Variants in HK1 observed in about 807,000 individuals in gnomAD.
HK1 encodes the protein hexokinase-1.
In HK1, 28 loss-of-function variants were observed where a neutral mutation model predicts 91.6. That is an observed-to-expected ratio of 0.31 (90% CI 0.23 to 0.42). HK1 has a LOEUF of 0.42. HK1 is among the 10% of genes least tolerant of loss of function. The pLI, the probability that HK1 is intolerant of heterozygous loss-of-function variation, is 1.00. For synonymous variants in HK1, 430 were observed against 468.1 expected (o/e 0.92, Z 1.05); for missense variants, 770 against 1,219.8 (o/e 0.63, Z 5.49).
intron 1 of HK1, among the ~76,000 whole-genome samples, chr10:69,326,750 ACAGACACAGT>A (rs1183013702): frequency 1.3e-5 from 2 of 152,230 alleles, no homozygotes. Flanking sequence ...CAATTACATT[ACAGACACAGT>A]TGAAGCCCTT....
chr10:69,291,820 G>A (rs926445485), intron 3 of HK1, among the ~76,000 whole-genome samples: 2 of 152,172 alleles, frequency 1.3e-5, no homozygotes, highest in African/African-American at 4.8e-5. Flanking sequence ...TAGGTTTCCT[G>A]ACAATTCCAA....
Position 69,394,948 on chromosome 10 carries a change from A to G in HK1, c.2220-2A>G. 1 of 1,614,030 alleles carries G rather than the reference A, an allele frequency of 6.2e-7. No homozygotes were observed. The highest frequency in any genetic ancestry group is 1.1e-5 in the South Asian group (1 of 91,070). ...CACCCCAGGCCCCTCCTCCTGTCTC[A>G]GGTATGAGAAGATGATCAGTGGTAT... On this transcript the variant is annotated splice_acceptor_variant, in intron 15 of 17. Coordinates refer to ENST00000359426, the MANE Select transcript of HK1 (RefSeq NM_000188.3). LOFTEE classifies it high-confidence loss of function.
intron 1 of HK1, among the ~76,000 whole-genome samples, chr10:69,330,815 C>T (rs1483418782): frequency 6.6e-6 from 1 of 151,994 alleles, no homozygotes; most frequent in Admixed American, 6.6e-5. Context: ...CACTTCTTCA[C>T]GATCATCCAC....
intron 1 of HK1, among the ~76,000 whole-genome samples, chr10:69,328,876 T>C (rs1019326919): frequency 2.0e-5 from 3 of 152,192 alleles, no homozygotes; most frequent in African/African-American, 2.4e-5. Context: ...TTGCCTCTTA[T>C]GGACATTTCA....
intron 17 of HK1, among the ~76,000 whole-genome samples, chr10:69,399,920 G>A (rs1418662025): frequency 6.6e-6 from 1 of 152,036 alleles, no homozygotes; most frequent in Non-Finnish European, 1.5e-5. Context: ...TTACCTCATG[G>A]CCGTGGCTTG....
chr10:69,376,087 C>A (rs77738521), intron 7 of HK1, among the ~76,000 whole-genome samples: 6,694 of 152,208 alleles, frequency 0.044, 170 homozygotes, highest in South Asian at 0.067. Flanking sequence ...CAGGGAGGTG[C>A]CTAACAAATG....
chr10:69,400,651 A>G lies in HK1; in HGVS notation c.2610-340A>G, dbSNP rs546145386. ...GTGTTATTCATGTCCTAGCCTTCATAAGCCATACAGAGCAGTTGTGTTTGG... is the reference window on the plus strand; with the variant it reads ...GTGTTATTCATGTCCTAGCCTTCATGAGCCATACAGAGCAGTTGTGTTTGG... On this transcript the variant is annotated intron_variant, in intron 17 of 17. Transcript: ENST00000359426. 1.6e-4 allele frequency among the ~76,000 whole-genome samples: 25 copies of G among 152,282 alleles called. No homozygotes were observed. The South Asian group carries it at 4.6e-3, about 28-fold the overall frequency.
chr10:69,362,279 G>C (rs1023342424), intron 3 of HK1, among the ~76,000 whole-genome samples: 1 of 151,640 alleles, frequency 6.6e-6, no homozygotes, highest in East Asian at 1.9e-4. Context: ...GATCTTGCCA[G>C]GTTGCCCAGG....
intron 3 of HK1, 114 bp from the exon 4 acceptor site, chr10:69,364,669 T>A: frequency 7.5e-7 from 1 of 1,338,258 alleles, no homozygotes; most frequent in Non-Finnish European, 1.1e-6. Context: ...GTACGAGCAC[T>A]TTGTTTGGGT....
intron 2 of HK1, among the ~76,000 whole-genome samples, chr10:69,286,238 C>T (rs1845026772): frequency 6.6e-6 from 1 of 152,132 alleles, no homozygotes. Context: ...TGGCTGACAC[C>T]TGTAATCCCA....
upstream of HK1, chr10:69,316,146 T>A (rs1846629748): frequency 3.7e-6 from 3 of 805,964 alleles, no homozygotes; most frequent in African/African-American, 5.1e-5. Context: ...GGAGTGGACA[T>A]GGTGGGGGCA....
chr10:69,392,291 A>G lies in HK1; in HGVS notation c.2202A>G (p.Leu734=), dbSNP rs780520693. The stretch of plus-strand genomic sequence containing the variant: ...ACAGACTGGTGGACGAATATTCCCT[A>G]AATGCTGGGAAACAAAGGTAACCCC... ...HYDRLVDEYS[L]NAGKQRYEKM... The change falls in exon 15 of 18, where the codon CTA becomes CTG. Residue 734 remains leucine (L), a synonymous_variant. Transcript: ENST00000359426. 4 of 1,614,144 alleles carry G rather than the reference A, an allele frequency of 2.5e-6. No individual in the cohort carries two copies. Among genetic ancestry groups the G allele is most frequent in the East Asian group, 2.2e-5 (1 of 44,876 alleles).
chr10:69,392,468 A>G (rs141626757), intron 15 of HK1, among the ~76,000 whole-genome samples, 160 bp downstream of exon 15: 1 of 152,300 alleles, frequency 6.6e-6, no homozygotes, highest in East Asian at 1.9e-4. Flanking sequence ...TCTTTTGGAC[A>G]GCAGAGAACC....
Position 69,380,740 on chromosome 10 carries a change from C to T in HK1, c.1265+645C>T. Among the ~76,000 whole-genome samples the T allele has an allele frequency of 6.6e-6, 1 of 152,230 alleles. No homozygotes were observed. Among genetic ancestry groups the T allele is most frequent in the East Asian group, 1.9e-4 (1 of 5,196 alleles). ...CAGCCTTCTGGTCTGTCAGTGGCCC[C>T]AGCCAGTCCTCATGCCATCTCACCT... On this transcript the variant is annotated intron_variant, in intron 9 of 17. Coordinates refer to ENST00000359426, the MANE Select transcript of HK1 (RefSeq NM_000188.3). The surrounding 1 kb of genome is among the most constrained non-coding windows in gnomAD (Gnocchi z 4.0).
At chr10:69,356,669 G>A (rs1849148265) in intron 2 of HK1, among the ~76,000 whole-genome samples, 2 of 152,102 alleles carry the variant, frequency 1.3e-5, no homozygotes, top group Non-Finnish European at 2.9e-5. Context: ...CGGATCACAA[G>A]GTCAGGAGTT....
At chr10:69,395,762 G>C (rs1056149355) in intron 16 of HK1, among the ~76,000 whole-genome samples, 5 of 152,150 alleles carry the variant, frequency 3.3e-5, no homozygotes, top group African/African-American at 1.2e-4. Context: ...CTGAAAGGCA[G>C]CCTGGGGTTC....
intron 1 of HK1, among the ~76,000 whole-genome samples, chr10:69,335,544 A>G (rs1483858657): frequency 1.3e-5 from 2 of 152,184 alleles, no homozygotes; most frequent in African/African-American, 2.4e-5. Context: ...AGAGCACAGG[A>G]CCAGGAATCA....
intron 1 of HK1, among the ~76,000 whole-genome samples, chr10:69,325,969 G>A (rs571410694): frequency 3.3e-5 from 5 of 151,486 alleles, no homozygotes; most frequent in Admixed American, 6.6e-5. Context: ...CTAGTAGCTG[G>A]GATTACAGGT....
intron 1 of HK1, among the ~76,000 whole-genome samples, chr10:69,330,506 T>G (rs1024511847): frequency 6.6e-6 from 1 of 152,150 alleles, no homozygotes; most frequent in Non-Finnish European, 1.5e-5. Context: ...TTGCAGTACC[T>G]GCAGAACCAG....
Sources: gnomAD v4.1 joint callset for allele counts (sites outside exome capture counted in the v4.1 genomes callset) on GRCh38, gnomAD v4.1.1 for gene constraint, Gnocchi (gnomAD v3.1) non-coding constraint, MANE v1.5 for transcripts, NCBI Gene and HGNC (gene_info 2026-07-23, HGNC 2026-07-21) for gene names.